DENND1A: variants seen among roughly 807,000 people sequenced by gnomAD.
DENND1A encodes the protein DENN domain containing 1A.
In DENND1A, 51 loss-of-function variants were observed where a neutral mutation model predicts 113.7. The ratio of observed to expected loss-of-function variants is 0.45; its 90% CI spans 0.36 to 0.57. The LOEUF is 0.57. Among genes scored for constraint, DENND1A ranks in the 20% least tolerant of loss-of-function variants. DENND1A has a pLI of 0.00. For synonymous variants in DENND1A, 565 were observed against 570.8 expected, an observed-to-expected ratio of 0.99 and a Z score of 0.14; for missense variants, 1,258 against 1,395.9, an observed-to-expected ratio of 0.90 and a Z score of 1.57.
At chr9:123,792,527 TA>T (rs1833136425) in intron 3 of DENND1A, 59 bp downstream of exon 3, 1 of 1,541,672 alleles carries the variant, frequency 6.5e-7, no homozygotes, top group Admixed American at 1.7e-5. Context: ...ACAGTAATAA[TA>T]TGTTGAACAA....
At chr9:123,396,115 G>T (rs143279253) in intron 21 of DENND1A, among the ~76,000 whole-genome samples, 1 of 152,300 alleles carries the variant, frequency 6.6e-6, no homozygotes, top group Middle Eastern at 3.4e-3. Flanking sequence ...GGGAGGTGTT[G>T]GGGTGTCGGA....
intron 5 of DENND1A, among the ~76,000 whole-genome samples, chr9:123,740,550 G>A (rs1208316681): frequency 6.6e-6 from 1 of 152,020 alleles, no homozygotes; most frequent in African/African-American, 2.4e-5. Context: ...CTTTGATAGA[G>A]AGCAGGAGAA....
intron 21 of DENND1A, among the ~76,000 whole-genome samples, chr9:123,392,029 C>G (rs1043346546): frequency 1.3e-5 from 2 of 152,226 alleles, no homozygotes; most frequent in African/African-American, 2.4e-5. Context: ...AGTTCCCATG[C>G]AGATGACTTC....
At chr9:123,929,718 G>A (rs866419443) in intron 1 of DENND1A, among the ~76,000 whole-genome samples, 171 bp downstream of exon 1, 62 of 145,830 alleles carry the variant, frequency 4.3e-4, no homozygotes, top group Admixed American at 1.6e-3. Context: ...CCCCGCCCCC[G>A]CGCCTCCCTG....
chr9:123,675,074 A>C (rs1418595229), intron 6 of DENND1A, among the ~76,000 whole-genome samples: 1 of 152,202 alleles, frequency 6.6e-6, no homozygotes, highest in Non-Finnish European at 1.5e-5. Context: ...TTCTTTTACG[A>C]CAGAATCCCC....
chr9:123,910,618 A>G (rs1853789330), intron 1 of DENND1A, among the ~76,000 whole-genome samples: 1 of 152,238 alleles, frequency 6.6e-6, no homozygotes, highest in Admixed American at 6.5e-5. Context: ...TCAATAAAAT[A>G]GACTTAAGAT....
intron 2 of DENND1A, among the ~76,000 whole-genome samples, chr9:123,867,465 G>C (rs611594): frequency 0.086 from 13,118 of 152,176 alleles, 951 homozygotes; most frequent in African/African-American, 0.2. Flanking sequence ...CTGAAGATCG[G>C]TATTTTTAAG....
chr9:123,736,399 C>T (rs2068568064), intron 5 of DENND1A: 1 of 152,118 alleles, frequency 6.6e-6, no homozygotes, highest in Non-Finnish European at 1.5e-5. Context: ...CCAGGTCATG[C>T]TATGATGTCA....
At chr9:123,577,340 T>C (rs2058685785) in intron 12 of DENND1A, among the ~76,000 whole-genome samples, 1 of 152,204 alleles carries the variant, frequency 6.6e-6, no homozygotes, top group African/African-American at 2.4e-5. Context: ...TTAAATATCT[T>C]CCATTTCTCC....
At chr9:123,461,478 G>A in intron 13 of DENND1A, among the ~76,000 whole-genome samples, 1 of 152,178 alleles carries the variant, frequency 6.6e-6, no homozygotes, top group East Asian at 1.9e-4. Flanking sequence ...CTCAGAGCTC[G>A]ATGCCAGGCA....
At chr9:123,863,778 C>T (rs1414192640) in intron 2 of DENND1A, among the ~76,000 whole-genome samples, 1 of 152,176 alleles carries the variant, frequency 6.6e-6, no homozygotes, top group Non-Finnish European at 1.5e-5. Context: ...ATCTCTTTCA[C>T]CACACATATA....
intron 5 of DENND1A, among the ~76,000 whole-genome samples, chr9:123,693,038 A>G (rs912555259): frequency 1.3e-5 from 2 of 152,320 alleles, no homozygotes; most frequent in East Asian, 1.9e-4. Flanking sequence ...AAAGCTCATG[A>G]TCCTTTTTCT....
At chr9:123,779,750 T>C (rs1830983176) in intron 3 of DENND1A, among the ~76,000 whole-genome samples, 2 of 152,184 alleles carry the variant, frequency 1.3e-5, no homozygotes, top group Admixed American at 6.5e-5. Context: ...TTCACCCACT[T>C]CTGCTCCTTG....
Position 123,662,703 on chromosome 9 carries a change from A to G in DENND1A, c.507+4323T>C, listed in dbSNP as rs2063306754. The stretch of plus-strand genomic sequence containing the variant: ...AAGAATGAGGAAGATGTGAAACCCA[A>G]GAATGCTTACGTGACAAAAAGTTGT... On this transcript the variant is annotated intron_variant, in intron 8 of 23. Transcript: ENST00000394215. 2.0e-5 allele frequency among the ~76,000 whole-genome samples: 3 copies of G among 152,246 alleles called. No homozygotes were observed. In the South Asian group the frequency reaches 6.2e-4, roughly 31 times the overall value.
intron 10 of DENND1A, among the ~76,000 whole-genome samples, chr9:123,625,060 G>A (rs901430574): frequency 1.2e-4 from 19 of 152,134 alleles, no homozygotes; most frequent in African/African-American, 4.6e-4. Context: ...ACATTTTGGT[G>A]TATTTCTTTC....
chr9:123,644,027 G>A (rs1201347543), intron 9 of DENND1A, among the ~76,000 whole-genome samples: 2 of 152,192 alleles, frequency 1.3e-5, no homozygotes, highest in African/African-American at 2.4e-5. Context: ...AAGGAAGTAT[G>A]AGGCAGCAAG....
chr9:123,575,946 C>T (rs79212269), intron 12 of DENND1A, among the ~76,000 whole-genome samples: 186 of 152,286 alleles, frequency 1.2e-3, no homozygotes, highest in African/African-American at 4.2e-3. Flanking sequence ...AGTGTCTAGA[C>T]AATGTATGTT....
rs1010380896 is a variant in DENND1A at position 123,723,447 on chromosome 9, C to G, written c.302+34256G>C. Among the ~76,000 whole-genome samples, 13 of 152,074 alleles carry G rather than the reference C, an allele frequency of 8.5e-5. 1 individual carries two copies. The highest frequency in any genetic ancestry group is 7.9e-4 in the Admixed American group (12 of 15,276). On this transcript the variant is annotated intron_variant, in intron 5 of 23. Transcript: ENST00000394215. ...GTGAATACATGAGATTTGGGAGGGG[C>G]TGGGGTGGAATGATATGGTTTGGCT... is the stretch of plus-strand genomic sequence containing the variant.
At chr9:123,923,324 C>T (rs562011203) in intron 1 of DENND1A, among the ~76,000 whole-genome samples, 1 of 152,208 alleles carries the variant, frequency 6.6e-6, no homozygotes, top group Non-Finnish European at 1.5e-5. Context: ...TGACTCTGAG[C>T]ACTAACGATG....
Sources: allele counts gnomAD v4.1 joint callset (sites outside exome capture counted in the v4.1 genomes callset), GRCh38; gene constraint gnomAD v4.1.1; transcripts MANE v1.5; gene names NCBI Gene and HGNC (gene_info 2026-07-23, HGNC 2026-07-21).